GPC6: variants seen among roughly 807,000 people sequenced by gnomAD.
The protein encoded by GPC6 is glypican-6.
A neutral mutation model predicts 55.2 loss-of-function variants in GPC6; 14 were observed. The ratio of observed to expected loss-of-function variants is 0.25; its 90% confidence interval spans 0.17 to 0.40. The LOEUF (loss-of-function observed/expected upper bound fraction) is 0.40. GPC6 is among the 10% of genes least tolerant of loss of function. The pLI, the probability that GPC6 is intolerant of heterozygous loss-of-function variation, is 1.00. For missense variants in GPC6, 641 were observed against 708.5 expected, an observed-to-expected ratio of 0.90 and a Z score of 1.08; for synonymous variants, 278 against 259.6, an observed-to-expected ratio of 1.07 and a Z score of -0.68.
chr13:93,525,546 T>G (rs1430774635), intron 1 of GPC6, among the ~76,000 whole-genome samples: 1 of 152,074 alleles, frequency 6.6e-6, no homozygotes, highest in East Asian at 1.9e-4. Context: ...TCCTGGAAAT[T>G]GAAACTTTTA....
At chr13:94,374,804 C>A (rs575252831) in intron 6 of GPC6, among the ~76,000 whole-genome samples, 2 of 125,476 alleles carry the variant, frequency 1.6e-5, no homozygotes, top group African/African-American at 6.8e-5. Flanking sequence ...TGACCACATA[C>A]TTGGAAGTAA....
chr13:93,246,445 G>C (rs1876604106), intron 1 of GPC6, among the ~76,000 whole-genome samples: 1 of 151,830 alleles, frequency 6.6e-6, no homozygotes, highest in African/African-American at 2.4e-5. Flanking sequence ...TGATGTTGAG[G>C]CAACCATTTT....
At chr13:94,355,292 G>A (rs990541005) in intron 6 of GPC6, among the ~76,000 whole-genome samples, 3 of 151,758 alleles carry the variant, frequency 2.0e-5, no homozygotes, top group African/African-American at 7.3e-5. Context: ...CAAAGTGCTG[G>A]GATTACAGGG....
chr13:93,746,393 G>C (rs1466881338), intron 2 of GPC6, among the ~76,000 whole-genome samples: 4 of 152,046 alleles, frequency 2.6e-5, no homozygotes, highest in Non-Finnish European at 2.9e-5. Flanking sequence ...CCAAGACAAC[G>C]CCAAGATTCA....
At chr13:93,933,527 T>G (rs1878286277) in intron 3 of GPC6, among the ~76,000 whole-genome samples, 1 of 137,188 alleles carries the variant, frequency 7.3e-6, no homozygotes. Context: ...TTGCTTCCAT[T>G]TTTTTTTTCC....
Position 94,013,756 on chromosome 13 carries a change from G to T in GPC6, c.712-13973G>T, listed in dbSNP as rs150060108. ...CATAGGACTGGCAGGAACAGACACAGACCTTAAATAATCTTATTTCCTATG... is the reference window on the plus strand; with the variant it reads ...CATAGGACTGGCAGGAACAGACACATACCTTAAATAATCTTATTTCCTATG... On this transcript the variant is annotated intron_variant, in intron 3 of 8. Transcript: ENST00000377047. 2.5e-4 allele frequency among the ~76,000 whole-genome samples: 38 copies of T among 152,318 alleles called. No individual in the cohort carries two copies. In the East Asian group the frequency reaches 7.0e-3, roughly 28 times the overall value.
At chr13:94,018,924 A>G (rs1158033084) in intron 3 of GPC6, among the ~76,000 whole-genome samples, 1 of 152,186 alleles carries the variant, frequency 6.6e-6, no homozygotes, top group Non-Finnish European at 1.5e-5. Flanking sequence ...GAACAGTTTC[A>G]TCCCACAACC....
chr13:94,349,321 T>C (rs1237010716), intron 6 of GPC6, among the ~76,000 whole-genome samples: 1 of 152,204 alleles, frequency 6.6e-6, no homozygotes, highest in Non-Finnish European at 1.5e-5. Flanking sequence ...GTGGCCATCC[T>C]CTCTGGTTCC....
At chr13:94,042,128 G>T (rs573710045) in intron 4 of GPC6, among the ~76,000 whole-genome samples, 1 of 151,744 alleles carries the variant, frequency 6.6e-6, no homozygotes, top group East Asian at 1.9e-4. Flanking sequence ...GTTATCCTGA[G>T]ATTTGGTTGT....
intron 5 of GPC6, among the ~76,000 whole-genome samples, chr13:94,291,046 G>C (rs1874935172): frequency 1.3e-5 from 2 of 152,082 alleles, no homozygotes. Context: ...ACAAAAATTA[G>C]CTAAGCATGG....
chr13:93,537,680 A>T (rs1012508245), intron 1 of GPC6, among the ~76,000 whole-genome samples: 1 of 152,134 alleles, frequency 6.6e-6, no homozygotes, highest in Non-Finnish European at 1.5e-5. Context: ...TAAAATATCT[A>T]CTTTAATGAA....
At chr13:93,517,234 A>G (rs900568510) in intron 1 of GPC6, among the ~76,000 whole-genome samples, 2 of 152,084 alleles carry the variant, frequency 1.3e-5, no homozygotes, top group African/African-American at 4.8e-5. Context: ...GTATCTAAGG[A>G]AGATGTACTT....
intron 4 of GPC6, among the ~76,000 whole-genome samples, chr13:94,234,282 C>G (rs372658352): frequency 6.6e-6 from 1 of 152,128 alleles, no homozygotes; most frequent in South Asian, 2.1e-4. Flanking sequence ...ACTGTGAACT[C>G]AGAAGTATTC....
chr13:94,056,092 T>C (rs1884123142), intron 4 of GPC6, among the ~76,000 whole-genome samples: 1 of 152,210 alleles, frequency 6.6e-6, no homozygotes, highest in South Asian at 2.1e-4. Flanking sequence ...TATCTCCAAG[T>C]GTGTGATTTG....
intron 2 of GPC6, among the ~76,000 whole-genome samples, chr13:93,670,434 T>G (rs970950247): frequency 6.6e-6 from 1 of 152,174 alleles, no homozygotes; most frequent in African/African-American, 2.4e-5. Flanking sequence ...GCTTTAAAAT[T>G]TGTGTTCAGT....
intron 2 of GPC6, among the ~76,000 whole-genome samples, chr13:93,665,244 A>G (rs927710041): frequency 6.6e-5 from 10 of 152,238 alleles, no homozygotes; most frequent in African/African-American, 2.2e-4. Context: ...GTAATGGTAT[A>G]TCCATAATGA....
intron 6 of GPC6, among the ~76,000 whole-genome samples, chr13:94,346,491 G>A (rs1878295729): frequency 6.6e-6 from 1 of 152,112 alleles, no homozygotes. Flanking sequence ...GGGAGGCCCA[G>A]GTGGGTGAAT....
chr13:93,873,609 C>T (rs1213687464), intron 3 of GPC6, among the ~76,000 whole-genome samples: 1 of 151,826 alleles, frequency 6.6e-6, no homozygotes, highest in African/African-American at 2.4e-5. Context: ...AATCATCTGG[C>T]CCCACCTGTC....
chr13:93,470,527 G>T (rs2590548), intron 1 of GPC6, among the ~76,000 whole-genome samples: 124,832 of 151,966 alleles, frequency 0.82, 51,382 homozygotes, highest in East Asian at 0.99. Context: ...TGCAAATATG[G>T]TTTTGAGGAT....
Sources: allele counts gnomAD v4.1 joint callset (sites outside exome capture counted in the v4.1 genomes callset), GRCh38; gene constraint gnomAD v4.1.1; transcripts MANE v1.5; gene names NCBI Gene and HGNC (gene_info 2026-07-23, HGNC 2026-07-21).